The following TBC1D16 variants were observed in gnomAD, a reference collection of about 807,000 sequenced individuals.
The protein encoded by TBC1D16 is TBC1 domain family member 16.
Under a neutral mutation model 74.7 loss-of-function variants are expected in TBC1D16, and 58 were observed. The ratio of observed to expected loss-of-function variants is 0.78; its 90% CI spans 0.63 to 0.97. TBC1D16 has a LOEUF of 0.97. Ranked by LOEUF, TBC1D16 falls within the 50% of genes least tolerant of loss-of-function variation. The pLI, the probability that TBC1D16 is intolerant of heterozygous loss-of-function variation, is 0.00. For missense variants in TBC1D16, 1,014 were observed against 1,079.5 expected, an observed-to-expected ratio of 0.94 and a Z score of 0.85; for synonymous variants, 493 against 474.7, an observed-to-expected ratio of 1.04 and a Z score of -0.50.
chr17:79,989,480 G>A (rs544817986), intron 3 of TBC1D16, among the ~76,000 whole-genome samples: 1 of 152,338 alleles, frequency 6.6e-6, no homozygotes, highest in African/African-American at 2.4e-5. Flanking sequence ...GTATTTCCAG[G>A]ATGAAAAGCC....
intron 3 of TBC1D16, among the ~76,000 whole-genome samples, chr17:79,998,814 C>A (rs1441240116): frequency 6.6e-6 from 1 of 152,012 alleles, no homozygotes; most frequent in Non-Finnish European, 1.5e-5. Flanking sequence ...CCACCGCGCC[C>A]GTATGAATGA....
rs1050632795 is a variant in TBC1D16, at chr17:79,934,983, T to G, written c.*5876A>C. On this transcript the variant is annotated 3_prime_UTR_variant, in exon 12 of 12. Transcript: ENST00000310924. ...CCTGCTCCATGGGCCAAACCGCCTTTGCCCATCCCTCCCCTGACCCCTGCT... is the reference window on the plus strand; with the variant it reads ...CCTGCTCCATGGGCCAAACCGCCTTGGCCCATCCCTCCCCTGACCCCTGCT... 1 of 152,306 alleles carries G rather than the reference T, an allele frequency of 6.6e-6. No homozygotes were observed. The highest frequency in any genetic ancestry group is 2.4e-5 in the African/African-American group (1 of 41,454). 9.4% of individuals were successfully genotyped at this position (152,306 alleles called of 1,614,324 possible). A position where few individuals can be genotyped will look rare whatever the true frequency, so the allele number is the denominator to read the frequency against.
chr17:79,947,825 G>A lies in TBC1D16; in HGVS notation c.1548C>T (p.Ile516=), dbSNP rs2032683311. 8.1e-6 allele frequency: 13 copies of A among 1,612,958 alleles called. No individual in the cohort carries two copies. Among genetic ancestry groups the A allele is most frequent in the Non-Finnish European group, 1.0e-5 (12 of 1,179,684 alleles). Residue 516 remains isoleucine, a synonymous_variant, in exon 9 of 12, where the codon ATC becomes ATT. Coordinates refer to ENST00000310924, the MANE Select transcript of TBC1D16 (RefSeq NM_019020.4). ...DNPNVESMRR[I]LLNYAVYNPA... ...GGTTGTACACGGCGTAGTTCAGCAGGATCCTCCTGGGAGGCGGTGGAGACA... is the reference window on the plus strand; with the variant it reads ...GGTTGTACACGGCGTAGTTCAGCAGAATCCTCCTGGGAGGCGGTGGAGACA...
In TBC1D16 at chr17:80,024,379, A is replaced by T. The variant is rs1297482162; in HGVS notation, c.-62-10770T>A. On this transcript the variant is annotated intron_variant, in intron 1 of 11. Coordinates refer to ENST00000310924, the MANE Select transcript of TBC1D16 (RefSeq NM_019020.4). ...CACACAACACACACCACAGACACAC[A>T]CACCATACACCATAGACACACATAC... 2.0e-5 allele frequency among the ~76,000 whole-genome samples: 3 copies of T among 150,782 alleles called. 1 individual carries two copies. The highest frequency in any genetic ancestry group is 7.5e-5 in the African/African-American group (3 of 40,184).
At chr17:80,025,365 C>G (rs1371572543) in intron 1 of TBC1D16, among the ~76,000 whole-genome samples, 1 of 150,110 alleles carries the variant, frequency 6.7e-6, no homozygotes, top group Non-Finnish European at 1.5e-5. Flanking sequence ...CAGGAGCCTC[C>G]CTACCCAGCC....
At position 79,948,755 on chromosome 17, in the gene TBC1D16, A is replaced by G. The variant is rs1258264730; in HGVS notation, c.1541+117T>C. ...TCCTTCACTTCTGGGGCTTTGATGT[A>G]TGAACCTGGAAGAGAGCCCCTGCAG... On this transcript the variant is annotated intron_variant, in intron 8 of 11. Coordinates refer to ENST00000310924, the MANE Select transcript of TBC1D16 (RefSeq NM_019020.4). 5 of 1,346,148 alleles carry G rather than the reference A, an allele frequency of 3.7e-6. No homozygotes were observed. The South Asian group carries it at 3.8e-5, about 10-fold the overall frequency. 83.4% of individuals were successfully genotyped at this position (1,346,148 alleles called of 1,614,324 possible).
At chr17:79,947,972 G>A in intron 8 of TBC1D16, 141 bp from the exon 9 acceptor site, 1 of 700,206 alleles carries the variant, frequency 1.4e-6, no homozygotes, top group Non-Finnish European at 2.4e-6. Flanking sequence ...CACCATCTCA[G>A]AGCCCAAGCT....
intron 1 of TBC1D16, among the ~76,000 whole-genome samples, chr17:80,016,959 A>C (rs1303613359): frequency 6.6e-6 from 1 of 152,120 alleles, no homozygotes; most frequent in African/African-American, 2.4e-5. Flanking sequence ...CACTTGTGAA[A>C]ATCACCAGTT....
At chr17:80,025,268 C>T (rs1012889903) in intron 1 of TBC1D16, among the ~76,000 whole-genome samples, 21 of 150,058 alleles carry the variant, frequency 1.4e-4, no homozygotes, top group Admixed American at 3.3e-4. Context: ...CCGACAGCGC[C>T]AGTGTTGACA....
At chr17:79,948,814 G>A (rs929521368) in intron 8 of TBC1D16, 58 bp downstream of exon 8, 19 of 1,608,748 alleles carry the variant, frequency 1.2e-5, no homozygotes, top group African/African-American at 1.1e-4. Flanking sequence ...TTCCCAGAGC[G>A]GTCAGGTGAG....
In TBC1D16 at chr17:79,994,107, A is replaced by G. The variant is rs76729140; in HGVS notation, c.779+16053T>C. 6.3e-3 allele frequency among the ~76,000 whole-genome samples: 954 copies of G among 152,080 alleles called. 6 individuals carry two copies. Among genetic ancestry groups the G allele is most frequent in the African/African-American group, 0.022 (920 of 41,438 alleles). On this transcript the variant is annotated intron_variant, in intron 3 of 11. Transcript: ENST00000310924. This position sits in a 1 kb window ranked among gnomAD's most constrained non-coding sequence, Gnocchi z 4.6. ...AGGCACTTATTTCCTCCCTGTCCTGACAGTTTTACTAGAAAGGTCAGCTTT... is the reference window on the plus strand; with the variant it reads ...AGGCACTTATTTCCTCCCTGTCCTGGCAGTTTTACTAGAAAGGTCAGCTTT...
rs9890910 is a variant in TBC1D16 at position 79,985,571 on chromosome 17, C to T, written c.779+24589G>A. The stretch of plus-strand genomic sequence containing the variant: ...CGGGCACTGGCCTGGCACTCACGCT[C>T]GGGGTGGGGGGCATCCCAGGCCCTG... On this transcript the variant is annotated intron_variant, in intron 3 of 11. Transcript: ENST00000310924. This position sits in a 1 kb window ranked among gnomAD's most constrained non-coding sequence, Gnocchi z 4.9. 0.098 allele frequency among the ~76,000 whole-genome samples: 14,994 copies of T among 152,258 alleles called. 1,422 individuals carry two copies. Among genetic ancestry groups the T allele is most frequent in the African/African-American group, 0.25 (10,211 of 41,522 alleles).
chr17:79,987,092 G>A lies in TBC1D16; in HGVS notation c.779+23068C>T, dbSNP rs1336607325. 6.6e-6 allele frequency among the ~76,000 whole-genome samples: 1 copy of A among 152,190 alleles called. No homozygotes were observed. The highest frequency in any genetic ancestry group is 1.5e-5 in the Non-Finnish European group (1 of 68,028). On this transcript the variant is annotated intron_variant, in intron 3 of 11. Coordinates refer to ENST00000310924, the MANE Select transcript of TBC1D16 (RefSeq NM_019020.4). The surrounding 1 kb of genome is among the most constrained non-coding windows in gnomAD (Gnocchi z 5.2). ...TGGGTCACGGGCTGTGCCCAGTGTCGCTGCCCAAGGCAGAACTGGCTGCCC... is the reference window on the plus strand; with the variant it reads ...TGGGTCACGGGCTGTGCCCAGTGTCACTGCCCAAGGCAGAACTGGCTGCCC...
chr17:79,951,322 C>T (rs1019336907), intron 5 of TBC1D16, 128 bp downstream of exon 5: 1 of 1,185,842 alleles, frequency 8.4e-7, no homozygotes, highest in Non-Finnish European at 1.2e-6. Context: ...CCAAAAACTA[C>T]CGTGGGTCAC....
At chr17:80,027,395 G>A (rs745475304) in intron 1 of TBC1D16, among the ~76,000 whole-genome samples, 8 of 152,222 alleles carry the variant, frequency 5.3e-5, no homozygotes, top group South Asian at 2.1e-4. Flanking sequence ...CCAGGAGTTC[G>A]AGATCAGCCT....
At chr17:79,969,086 C>T (rs2033965691) in intron 3 of TBC1D16, among the ~76,000 whole-genome samples, 1 of 151,878 alleles carries the variant, frequency 6.6e-6, no homozygotes, top group Non-Finnish European at 1.5e-5. Context: ...TCATTATTCC[C>T]TGGAGAAATG....
At position 79,976,352 on chromosome 17, in the gene TBC1D16, G is replaced by A. The variant is rs141517361; in HGVS notation, c.780-23534C>T. On this transcript the variant is annotated intron_variant, in intron 3 of 11. Transcript: ENST00000310924. ...TTTTAACCATAAGGCATTTTCTCAC[G>A]CAGGGCTTTCCAATGTTGGCCCACA... Among the ~76,000 whole-genome samples, 68 of 152,272 alleles carry A rather than the reference G, an allele frequency of 4.5e-4. 1 individual carries two copies. The highest frequency in any genetic ancestry group is 6.8e-3 in the Middle Eastern group (2 of 294).
At position 79,950,321 on chromosome 17, in the gene TBC1D16, G is replaced by A; in HGVS notation, c.1257+90C>T. ...GGAGGTGGCCCGTGGGTGCGGGCGG[G>A]CGGCCAGGCCCCGGCCCTCCTTCCC... is the stretch of plus-strand genomic sequence containing the variant. On this transcript the variant is annotated intron_variant, in intron 6 of 11. Transcript: ENST00000310924. This position sits in a 1 kb window ranked among gnomAD's most constrained non-coding sequence, Gnocchi z 4.6. The A allele has an allele frequency of 3.5e-6, 5 of 1,430,420 alleles. No homozygotes were observed. Among genetic ancestry groups the A allele is most frequent in the Non-Finnish European group, 4.6e-6 (5 of 1,087,342 alleles). 88.6% of individuals were successfully genotyped at this position (1,430,420 alleles called of 1,614,324 possible).
At chr17:79,964,885 A>G (rs2033775179) in intron 3 of TBC1D16, among the ~76,000 whole-genome samples, 1 of 152,160 alleles carries the variant, frequency 6.6e-6, no homozygotes, top group African/African-American at 2.4e-5. Context: ...TATACTATCA[A>G]TACTGTTTTA....
Sources: gnomAD v4.1 joint callset for allele counts (sites outside exome capture counted in the v4.1 genomes callset) on GRCh38, gnomAD v4.1.1 for gene constraint, Gnocchi (gnomAD v3.1) non-coding constraint, MANE v1.5 for transcripts, NCBI Gene and HGNC (gene_info 2026-07-23, HGNC 2026-07-21) for gene names.